The following NSUN6 variants were observed in gnomAD, a reference collection of about 807,000 sequenced individuals.
NSUN6 encodes NOP2/Sun RNA methyltransferase 6.
In NSUN6, 64 loss-of-function variants were observed where a neutral mutation model predicts 58.0. The ratio of observed to expected loss-of-function variants is 1.10; its 90% CI spans 0.90 to 1.36. The LOEUF (loss-of-function observed/expected upper bound fraction) is 1.36. Among genes scored for constraint, NSUN6 ranks in the 40% most tolerant of loss-of-function variants. The pLI is 0.00. For synonymous variants in NSUN6, 231 were observed against 193.9 expected (o/e 1.19, Z -1.59); for missense variants, 701 against 550.1 (o/e 1.27, Z -2.74).
Position 18,614,393 on chromosome 10 carries a change from C to A in NSUN6, c.575+67G>T. 8.2e-6 allele frequency: 8 copies of A among 972,740 alleles called. No homozygotes were observed. The South Asian group carries it at 9.8e-5, about 12-fold the overall frequency. 60.3% of individuals were successfully genotyped at this position (972,740 alleles called of 1,614,324 possible). On this transcript the variant is annotated intron_variant, in intron 5 of 10. Transcript: ENST00000377304. ...ATATAATGCAACTAGATACATTTTA[C>A]ATTATTTTTAATTTTCATTGACCCA...
In NSUN6 at chr10:18,634,826, T is replaced by C. The variant is rs191903156; in HGVS notation, c.311+7650A>G. ...AGAAGAAAAAGATCAGTGAATGGAG[T>C]TGAAAAATGTGTTAACAGAAAAAAA... On this transcript the variant is annotated intron_variant, in intron 3 of 10. Transcript: ENST00000377304. Among the ~76,000 whole-genome samples, 15 of 148,788 alleles carry C rather than the reference T, an allele frequency of 1.0e-4. No individual in the cohort carries two copies. In the East Asian group the frequency reaches 2.8e-3, roughly 28 times the overall value.
intron 8 of NSUN6, among the ~76,000 whole-genome samples, chr10:18,580,023 G>C (rs1003181391): frequency 1.3e-5 from 2 of 152,038 alleles, no homozygotes; most frequent in Admixed American, 1.3e-4. Context: ...CTACACCTAG[G>C]GATCTCTGAA....
chr10:18,619,232 T>C (rs558566503), intron 3 of NSUN6, among the ~76,000 whole-genome samples: 29 of 152,326 alleles, frequency 1.9e-4, no homozygotes, highest in African/African-American at 6.7e-4. Context: ...AGGAATTGGC[T>C]TGGGACCAAA....
intron 3 of NSUN6, among the ~76,000 whole-genome samples, chr10:18,617,185 G>GTTTT (rs35698731): frequency 0.031 from 3,936 of 127,508 alleles, 90 homozygotes; most frequent in Non-Finnish European, 0.05. Context: ...AGCCTTTCTA[G>GTTTT]TTTTTTTTTT....
At chr10:18,560,147 TAGAATGGAATGG>T (rs1035177943) in intron 8 of NSUN6, among the ~76,000 whole-genome samples, 4 of 145,436 alleles carry the variant, frequency 2.8e-5, no homozygotes, top group Non-Finnish European at 4.5e-5. Flanking sequence ...GAATGGATAA[TAGAATGGAATGG>T]GGAATGGAAT....
At chr10:18,622,201 G>A (rs1357720243) in intron 3 of NSUN6, among the ~76,000 whole-genome samples, 1 of 152,142 alleles carries the variant, frequency 6.6e-6, no homozygotes, top group Non-Finnish European at 1.5e-5. Flanking sequence ...TATGAGGGTA[G>A]AATGCTCATA....
chr10:18,551,619 G>T, intron 9 of NSUN6: 1 of 418,512 alleles, frequency 2.4e-6, no homozygotes. Flanking sequence ...GCCTGTATCA[G>T]AATCTCATTC....
chr10:18,555,952 T>C (rs2054984038), intron 8 of NSUN6, among the ~76,000 whole-genome samples: 1 of 133,414 alleles, frequency 7.5e-6, no homozygotes, highest in Admixed American at 7.6e-5. Flanking sequence ...GGGAATGGAA[T>C]GGAAAATGGT....
At chr10:18,633,802 A>G (rs1395518686) in intron 3 of NSUN6, among the ~76,000 whole-genome samples, 1 of 152,200 alleles carries the variant, frequency 6.6e-6, no homozygotes, top group Non-Finnish European at 1.5e-5. Context: ...AGAGAAAAGA[A>G]ATACCAACCA....
intron 8 of NSUN6, among the ~76,000 whole-genome samples, chr10:18,553,917 G>T (rs947475174): frequency 8.6e-5 from 13 of 151,534 alleles, no homozygotes; most frequent in African/African-American, 3.1e-4. Flanking sequence ...GAATGGAATG[G>T]AATGGAGAAC....
intron 8 of NSUN6, among the ~76,000 whole-genome samples, chr10:18,566,442 A>ATCCATTCCATTCTGCAT (rs1466785136): frequency 7.6e-6 from 1 of 132,252 alleles, no homozygotes. Context: ...CCGTTCAGCA[A>ATCCATTCCATTCTGCAT]TCCATTCCAT....
At chr10:18,617,852 G>A (rs950844843) in intron 3 of NSUN6, among the ~76,000 whole-genome samples, 1 of 152,194 alleles carries the variant, frequency 6.6e-6, no homozygotes, top group Non-Finnish European at 1.5e-5. Context: ...GCTTGCAGCA[G>A]TGAGTTTGCT....
chr10:18,643,751 C>T (rs2059455787), intron 2 of NSUN6, among the ~76,000 whole-genome samples: 1 of 152,116 alleles, frequency 6.6e-6, no homozygotes, highest in South Asian at 2.1e-4. Context: ...ACAAATCTTG[C>T]CAAAGAGAAG....
chr10:18,587,573 T>C lies in NSUN6; in HGVS notation c.778-1480A>G, dbSNP rs957372964. Among the ~76,000 whole-genome samples, 5 of 152,042 alleles carry C rather than the reference T, an allele frequency of 3.3e-5. No individual in the cohort carries two copies. The South Asian group carries it at 1.0e-3, about 32-fold the overall frequency. On this transcript the variant is annotated intron_variant, in intron 7 of 10. Coordinates refer to ENST00000377304, the MANE Select transcript of NSUN6 (RefSeq NM_182543.5). ...ATGCAGAACGTGAGTGATTTCTGCA[T>C]TTCTAACTGAGGTACCCAGTTCATC...
chr10:18,604,856 A>G (rs993441270), intron 6 of NSUN6, among the ~76,000 whole-genome samples: 3 of 150,204 alleles, frequency 2.0e-5, no homozygotes, highest in East Asian at 2.0e-4. Flanking sequence ...ACTTCACTCC[A>G]GCCTGGGTGA....
intron 8 of NSUN6, among the ~76,000 whole-genome samples, chr10:18,553,915 T>C (rs1307926681): frequency 6.7e-6 from 1 of 149,178 alleles, no homozygotes; most frequent in Non-Finnish European, 1.5e-5. Context: ...TGGAATGGAA[T>C]GGAATGGAGA....
rs989647224 is a variant in NSUN6, at chr10:18,561,444, ATG to A, written c.923-9475_923-9474del. 7.1e-5 allele frequency among the ~76,000 whole-genome samples: 7 copies of A among 98,994 alleles called. 1 individual carries two copies. Among genetic ancestry groups the A allele is most frequent in the African/African-American group, 2.5e-4 (7 of 27,560 alleles). The allele number at this position is 98,994 out of a possible 152,430, so 64.9% of individuals were successfully genotyped here. A position where few individuals can be genotyped will look rare whatever the true frequency, so the allele number is the denominator to read the frequency against. ...AGGATGGTATGGAAAATGGAATGGA[ATG>A]GAGAATGGAATGGAATGGAAAAAGG... On this transcript the variant is annotated intron_variant, in intron 8 of 10. Coordinates refer to ENST00000377304, the MANE Select transcript of NSUN6 (RefSeq NM_182543.5).
intron 8 of NSUN6, among the ~76,000 whole-genome samples, chr10:18,561,962 T>A (rs1387544972): frequency 6.8e-6 from 1 of 147,442 alleles, no homozygotes; most frequent in Non-Finnish European, 1.5e-5. Context: ...TGGAATGGAA[T>A]GGAGAATGGA....
At chr10:18,556,762 T>C (rs949787573) in intron 8 of NSUN6, among the ~76,000 whole-genome samples, 2 of 145,190 alleles carry the variant, frequency 1.4e-5, no homozygotes, top group Non-Finnish European at 1.5e-5. Context: ...TGGTATGGAA[T>C]GAAGAATGGA....
Sources: gnomAD v4.1 joint callset for allele counts (sites outside exome capture counted in the v4.1 genomes callset) on GRCh38, gnomAD v4.1.1 for gene constraint, MANE v1.5 for transcripts, NCBI Gene and HGNC (gene_info 2026-07-23, HGNC 2026-07-21) for gene names.